Variants in GALNTL6 observed in about 807,000 individuals in gnomAD.
GALNTL6 encodes polypeptide N-acetylgalactosaminyltransferase-like 6.
GALNTL6 carries 46 observed loss-of-function variants against 73.7 expected under a neutral mutation model. The observed-to-expected ratio is 0.62, with a 90% CI of 0.49 to 0.80. The LOEUF is 0.80. Ranked by LOEUF, GALNTL6 falls within the 30% of genes least tolerant of loss-of-function variation. The pLI is 0.00. For synonymous variants in GALNTL6, 259 were observed against 263.7 expected (o/e 0.98, Z 0.17); for missense variants, 604 against 755.0 (o/e 0.80, Z 2.34).
chr4:171,848,171 C>T (rs749366371), intron 2 of GALNTL6, among the ~76,000 whole-genome samples: 97 of 152,352 alleles, frequency 6.4e-4, no homozygotes, highest in Non-Finnish European at 1.2e-3. Context: ...TTAATCAGAG[C>T]TCTTGGGTGA....
At chr4:171,899,411 G>C (rs932422307) in intron 2 of GALNTL6, among the ~76,000 whole-genome samples, 1 of 152,010 alleles carries the variant, frequency 6.6e-6, no homozygotes, top group African/African-American at 2.4e-5. Flanking sequence ...AATCAGCTCT[G>C]AGTCTAGAAA....
chr4:171,887,277 T>A (rs1316416284), intron 2 of GALNTL6, among the ~76,000 whole-genome samples: 1 of 152,066 alleles, frequency 6.6e-6, no homozygotes, highest in East Asian at 1.9e-4. Flanking sequence ...AACAAGGGTT[T>A]TGGAGGAAAC....
At chr4:171,968,684 T>C (rs1739460636) in intron 2 of GALNTL6, among the ~76,000 whole-genome samples, 1 of 152,208 alleles carries the variant, frequency 6.6e-6, no homozygotes, top group South Asian at 2.1e-4. Context: ...ACACTTTTCT[T>C]GTGGTAGAGA....
chr4:172,255,465 G>T (rs1934794672), intron 3 of GALNTL6, among the ~76,000 whole-genome samples: 1 of 151,390 alleles, frequency 6.6e-6, no homozygotes, highest in Non-Finnish European at 1.5e-5. Context: ...CCCCTGACTT[G>T]CAAATATACC....
At chr4:171,901,568 G>A (rs1737096698) in intron 2 of GALNTL6, among the ~76,000 whole-genome samples, 2 of 152,208 alleles carry the variant, frequency 1.3e-5, no homozygotes, top group African/African-American at 4.8e-5. Flanking sequence ...AGGCATCTCA[G>A]GACCAGACCA....
intron 5 of GALNTL6, among the ~76,000 whole-genome samples, chr4:172,675,117 C>T (rs889746757): frequency 6.6e-6 from 1 of 151,896 alleles, no homozygotes; most frequent in South Asian, 2.1e-4. Context: ...TACCTTCAAT[C>T]TTTGAAGTTG....
At chr4:172,181,917 CTG>C (rs1735257767) in intron 2 of GALNTL6, among the ~76,000 whole-genome samples, 1 of 152,020 alleles carries the variant, frequency 6.6e-6, no homozygotes, top group East Asian at 1.9e-4. Flanking sequence ...CAGGGTTTCA[CTG>C]TGTTAGCCAG....
At chr4:172,883,352 G>T (rs922721259) in intron 8 of GALNTL6, among the ~76,000 whole-genome samples, 3 of 152,200 alleles carry the variant, frequency 2.0e-5, no homozygotes, top group Non-Finnish European at 4.4e-5. Flanking sequence ...ACAAAGAAAA[G>T]AAGTTTAATT....
intron 5 of GALNTL6, among the ~76,000 whole-genome samples, chr4:172,546,793 T>TATACGTATATATACGTATATATATAC (rs1168792419): frequency 1.3e-4 from 5 of 38,404 alleles, no homozygotes; most frequent in South Asian, 1.9e-3. Context: ...TTTATATATA[T>TATACGTATATATACGTATATATATAC]ATACGTATAT....
intron 2 of GALNTL6, among the ~76,000 whole-genome samples, chr4:171,951,611 C>CATAAGAATAT (rs5864101): frequency 0.95 from 144,676 of 151,986 alleles, 69,235 homozygotes; most frequent in Non-Finnish European, 1. Context: ...TAATTAAGCA[C>CATAAGAATAT]TTTTAAAAAT....
intron 2 of GALNTL6, among the ~76,000 whole-genome samples, chr4:172,192,834 G>T (rs1027461934): frequency 1.3e-5 from 2 of 152,192 alleles, no homozygotes; most frequent in African/African-American, 4.8e-5. Context: ...TGCAACCACT[G>T]TGGCTCCAGT....
At chr4:172,911,522 T>C (rs988122563) in intron 8 of GALNTL6, among the ~76,000 whole-genome samples, 1 of 152,198 alleles carries the variant, frequency 6.6e-6, no homozygotes, top group African/African-American at 2.4e-5. Context: ...ATATCTGGAA[T>C]TGTTCCTATG....
chr4:172,339,314 C>G (rs189690599), intron 4 of GALNTL6, among the ~76,000 whole-genome samples: 4 of 138,286 alleles, frequency 2.9e-5, no homozygotes, highest in East Asian at 4.2e-4. Context: ...CACACACACA[C>G]AGAGTTTCCA....
intron 2 of GALNTL6, among the ~76,000 whole-genome samples, chr4:171,862,843 C>T (rs941386234): frequency 6.6e-6 from 1 of 151,826 alleles, no homozygotes; most frequent in Non-Finnish European, 1.5e-5. Flanking sequence ...TTTATTAGCC[C>T]CCAAATTATC....
chr4:172,482,152 G>A (rs1025915406), intron 5 of GALNTL6, among the ~76,000 whole-genome samples: 1 of 151,842 alleles, frequency 6.6e-6, no homozygotes, highest in Non-Finnish European at 1.5e-5. Flanking sequence ...GGTGGCGCCG[G>A]CCAGCCACTC....
chr4:172,753,156 G>A (rs149167843), intron 5 of GALNTL6, among the ~76,000 whole-genome samples: 4,073 of 152,210 alleles, frequency 0.027, 79 homozygotes, highest in Non-Finnish European at 0.036. Context: ...TGTTCTTGTG[G>A]TAGTCAGTAA....
At chr4:172,194,249 A>G (rs780878093) in intron 2 of GALNTL6, among the ~76,000 whole-genome samples, 7 of 152,240 alleles carry the variant, frequency 4.6e-5, no homozygotes, top group Non-Finnish European at 8.8e-5. Flanking sequence ...GAGCTTGAAG[A>G]CTATCTTGCT....
chr4:172,362,535 T>C (rs1253535365), intron 5 of GALNTL6, among the ~76,000 whole-genome samples: 1 of 152,120 alleles, frequency 6.6e-6, no homozygotes, highest in African/African-American at 2.4e-5. Flanking sequence ...TTCTTAAATA[T>C]TGATGATCCT....
chr4:172,567,863 A>G (rs1359042568), intron 5 of GALNTL6, among the ~76,000 whole-genome samples: 1 of 152,062 alleles, frequency 6.6e-6, no homozygotes, highest in Non-Finnish European at 1.5e-5. Flanking sequence ...AAGACATTAT[A>G]TTTTCTATGG....
Sources: gnomAD v4.1 joint callset for allele counts (sites outside exome capture counted in the v4.1 genomes callset) on GRCh38, gnomAD v4.1.1 for gene constraint, MANE v1.5 for transcripts, NCBI Gene and HGNC (gene_info 2026-07-23, HGNC 2026-07-21) for gene names.